PACS1: variants seen among roughly 807,000 people sequenced by gnomAD.
PACS1 encodes the protein phosphofurin acidic cluster sorting protein 1.
A neutral mutation model predicts 115.0 loss-of-function variants in PACS1; 24 were observed. The observed-to-expected ratio is 0.21, with a 90% CI of 0.15 to 0.29. PACS1 has a LOEUF of 0.29. Ranked by LOEUF, PACS1 falls within the 10% of genes least tolerant of loss-of-function variation. PACS1 has a pLI of 1.00. For synonymous variants in PACS1, 453 were observed against 504.5 expected (o/e 0.90, Z 1.37); for missense variants, 838 against 1,251.2 (o/e 0.67, Z 4.98).
intron 1 of PACS1, among the ~76,000 whole-genome samples, chr11:66,113,624 T>C (rs1332373114): frequency 3.3e-5 from 5 of 152,230 alleles, no homozygotes; most frequent in African/African-American, 7.2e-5. Flanking sequence ...TGATGACTTG[T>C]ATACTTTGAT....
Position 66,230,348 on chromosome 11 carries a change from C to G in PACS1, c.1375-200C>G, listed in dbSNP as rs145681864. On this transcript the variant is annotated intron_variant, in intron 11 of 23. Transcript: ENST00000320580. Reference sequence around the variant, plus strand: ...ACTGGATTGCAGCATATGGTGCCCACACGGGGTGTACTCAGTCACCCGTGA... The same window carrying G: ...ACTGGATTGCAGCATATGGTGCCCAGACGGGGTGTACTCAGTCACCCGTGA... 2.1e-3 allele frequency: 1,204 copies of G among 583,186 alleles called. 4 individuals carry two copies. The highest frequency in any genetic ancestry group is 2.8e-3 in the Non-Finnish European group (926 of 325,084). The allele number at this position is 583,186 out of a possible 1,614,324, so 36.1% of individuals were successfully genotyped here.
Position 66,243,523 on chromosome 11 carries a change from A to G in PACS1, c.*243A>G. On this transcript the variant is annotated 3_prime_UTR_variant, in exon 24 of 24. Transcript: ENST00000320580. ...CCTTCTCCCTCCTGCTCCAGGCCCA[A>G]GGCGTGTTGGTTTTGCCTTCTGGTG... 1.9e-6 allele frequency: 1 copy of G among 540,136 alleles called. No homozygotes were observed. The highest frequency in any genetic ancestry group is 3.3e-6 in the Non-Finnish European group (1 of 299,290). The allele number at this position is 540,136 out of a possible 1,614,324, so 33.5% of individuals were successfully genotyped here. A position where few individuals can be genotyped will look rare whatever the true frequency, so the allele number is the denominator to read the frequency against.
At chr11:66,150,232 T>G (rs1859206606) in intron 1 of PACS1, among the ~76,000 whole-genome samples, 1 of 152,236 alleles carries the variant, frequency 6.6e-6, no homozygotes, top group South Asian at 2.1e-4. Context: ...TACAGTTATT[T>G]GATCCACTGA....
chr11:66,150,693 T>C (rs1859214393), intron 1 of PACS1, among the ~76,000 whole-genome samples: 1 of 152,214 alleles, frequency 6.6e-6, no homozygotes, highest in African/African-American at 2.4e-5. Context: ...AAAAAGTAAA[T>C]TACTTTCTGT....
chr11:66,204,424 C>T (rs1265521521), intron 2 of PACS1, among the ~76,000 whole-genome samples: 2 of 152,088 alleles, frequency 1.3e-5, no homozygotes, highest in East Asian at 1.9e-4. Context: ...GAAAAGGGAA[C>T]CCTCGTACAC....
At chr11:66,166,873 C>T (rs116472381) in intron 1 of PACS1, among the ~76,000 whole-genome samples, 6 of 150,246 alleles carry the variant, frequency 4.0e-5, no homozygotes, top group Non-Finnish European at 8.8e-5. Flanking sequence ...TTACGATGCT[C>T]ATTTTTCAGA....
chr11:66,206,169 C>T (rs1440205542), intron 2 of PACS1, among the ~76,000 whole-genome samples: 1 of 151,970 alleles, frequency 6.6e-6, no homozygotes, highest in Non-Finnish European at 1.5e-5. Context: ...AATAAAACAC[C>T]AGTAACCTAA....
At chr11:66,115,233 G>C (rs1371594545) in intron 1 of PACS1, among the ~76,000 whole-genome samples, 3 of 144,428 alleles carry the variant, frequency 2.1e-5, no homozygotes, top group African/African-American at 5.2e-5. Context: ...AAAAAAACTA[G>C]AACAGTGACC....
At chr11:66,222,374 A>G in intron 10 of PACS1, among the ~76,000 whole-genome samples, 1 of 152,106 alleles carries the variant, frequency 6.6e-6, no homozygotes, top group East Asian at 1.9e-4. Context: ...GCAAGGGGAA[A>G]AGGGGGCATG....
At chr11:66,074,510 A>G (rs1168446642) in intron 1 of PACS1, among the ~76,000 whole-genome samples, 1 of 152,166 alleles carries the variant, frequency 6.6e-6, no homozygotes, top group Non-Finnish European at 1.5e-5. Flanking sequence ...AGGCAGAAAA[A>G]TTACTAAATT....
intron 1 of PACS1, among the ~76,000 whole-genome samples, chr11:66,176,556 G>A (rs1314570099): frequency 2.6e-5 from 4 of 151,934 alleles, no homozygotes; most frequent in African/African-American, 9.7e-5. Flanking sequence ...TGGGTTTACA[G>A]GCATGTGCTA....
At chr11:66,137,245 AGT>A (rs1858867387) in intron 1 of PACS1, among the ~76,000 whole-genome samples, 1 of 150,532 alleles carries the variant, frequency 6.6e-6, no homozygotes, top group Non-Finnish European at 1.5e-5. Context: ...GATTTGTGTG[AGT>A]GTGTGTGTTT....
At chr11:66,112,021 C>T (rs1329971686) in intron 1 of PACS1, among the ~76,000 whole-genome samples, 4 of 152,328 alleles carry the variant, frequency 2.6e-5, no homozygotes, top group South Asian at 2.1e-4. Context: ...TCCCATCCCC[C>T]GTGGTTCCCT....
In PACS1 at chr11:66,216,833, G is replaced by C. The variant is rs934266622; in HGVS notation, c.978+58G>C. On this transcript the variant is annotated intron_variant, in intron 7 of 23. Transcript: ENST00000320580. ...AAGATTTTCAGTCTGGGGGTAGGTT[G>C]GCAGCAGCATATTCAGGCCTAGTGG... is the stretch of plus-strand genomic sequence containing the variant. 1.8e-5 allele frequency: 23 copies of C among 1,270,632 alleles called. No homozygotes were observed. The African/African-American group carries it at 3.1e-4, about 17-fold the overall frequency. The allele number at this position is 1,270,632 out of a possible 1,614,324, so 78.7% of individuals were successfully genotyped here.
At chr11:66,158,688 GAGTAA>G (rs1174661667) in intron 1 of PACS1, among the ~76,000 whole-genome samples, 2 of 152,150 alleles carry the variant, frequency 1.3e-5, no homozygotes, top group East Asian at 1.9e-4. Context: ...GTGGCAGAGA[GAGTAA>G]AGTAAAGCAG....
At position 66,235,255 on chromosome 11, in the gene PACS1, C is replaced by T. The variant is rs752127137; in HGVS notation, c.2105-46C>T. On this transcript the variant is annotated intron_variant, in intron 17 of 23. Transcript: ENST00000320580. The surrounding 1 kb of genome is among the most constrained non-coding windows in gnomAD (Gnocchi z 5.6). ...TCTCCGAGAGGGTCTGCAGGTTTGC[C>T]AGCTGAAGTCAGTAGGCAGTTAGTG... 1 of 1,462,096 alleles carries T rather than the reference C, an allele frequency of 6.8e-7. No individual in the cohort carries two copies. The highest frequency in any genetic ancestry group is 1.1e-5 in the South Asian group (1 of 87,714). 90.6% of individuals were successfully genotyped at this position (1,462,096 alleles called of 1,614,324 possible). A position where few individuals can be genotyped will look rare whatever the true frequency, so the allele number is the denominator to read the frequency against.
At chr11:66,096,265 T>G (rs1197609589) in intron 1 of PACS1, among the ~76,000 whole-genome samples, 1 of 147,496 alleles carries the variant, frequency 6.8e-6, no homozygotes, top group East Asian at 2.1e-4. Context: ...TCACCAAGGC[T>G]GGAGTACAGT....
intron 2 of PACS1, among the ~76,000 whole-genome samples, chr11:66,196,817 C>T (rs1448559173): frequency 2.0e-5 from 3 of 152,134 alleles, no homozygotes; most frequent in Non-Finnish European, 2.9e-5. Flanking sequence ...AGGTTGGTCT[C>T]GAACCCCTGA....
intron 1 of PACS1, among the ~76,000 whole-genome samples, chr11:66,183,649 T>G (rs1372775015): frequency 6.6e-6 from 1 of 152,186 alleles, no homozygotes; most frequent in African/African-American, 2.4e-5. Flanking sequence ...TTTGCTTTGC[T>G]CAGGAAAGAA....
Sources: gnomAD v4.1 joint callset for allele counts (sites outside exome capture counted in the v4.1 genomes callset) on GRCh38, gnomAD v4.1.1 for gene constraint, Gnocchi (gnomAD v3.1) non-coding constraint, MANE v1.5 for transcripts, NCBI Gene and HGNC (gene_info 2026-07-23, HGNC 2026-07-21) for gene names.